The following FGD4 variants were observed in gnomAD, a reference collection of about 807,000 sequenced individuals.
The protein encoded by FGD4 is FYVE, RhoGEF and PH domain-containing protein 4.
Under a neutral mutation model 102.0 loss-of-function variants are expected in FGD4, and 42 were observed. The ratio of observed to expected loss-of-function variants is 0.41; its 90% CI spans 0.32 to 0.53. The LOEUF (loss-of-function observed/expected upper bound fraction) is 0.53. FGD4 is among the 20% of genes least tolerant of loss of function. FGD4 has a pLI of 0.21. For synonymous variants in FGD4, 380 were observed against 375.7 expected (o/e 1.01, Z -0.13); for missense variants, 902 against 1,078.2 (o/e 0.84, Z 2.29).
chr12:32,426,415 G>A (rs755305204), intron 1 of FGD4, among the ~76,000 whole-genome samples: 8 of 152,094 alleles, frequency 5.3e-5, no homozygotes, highest in East Asian at 1.9e-4. Flanking sequence ...GGATGAAGCC[G>A]ATTTGATTGT....
At chr12:32,406,805 TTTTG>T (rs1390267259) in intron 1 of FGD4, among the ~76,000 whole-genome samples, 1 of 151,910 alleles carries the variant, frequency 6.6e-6, no homozygotes, top group Non-Finnish European at 1.5e-5. Flanking sequence ...AGCTGTTTTT[TTTTG>T]TTTGTTTGCT....
chr12:32,596,916 CAA>C (rs200274300), intron 4 of FGD4, among the ~76,000 whole-genome samples: 3,150 of 143,536 alleles, frequency 0.022, 40 homozygotes, highest in Admixed American at 0.035. Context: ...GCCTGGGCAA[CAA>C]GAGCAAAACT....
intron 1 of FGD4, among the ~76,000 whole-genome samples, chr12:32,526,296 G>A (rs953618257): frequency 6.6e-6 from 1 of 152,170 alleles, no homozygotes; most frequent in African/African-American, 2.4e-5. Context: ...TCTAGCTCAA[G>A]GATTGTAAAT....
At chr12:32,568,024 T>C (rs1413779888) in intron 2 of FGD4, among the ~76,000 whole-genome samples, 1 of 152,234 alleles carries the variant, frequency 6.6e-6, no homozygotes, top group Non-Finnish European at 1.5e-5. Context: ...GTATTGCACA[T>C]CTTTATTAGT....
In FGD4 at chr12:32,422,782, T is replaced by C. The variant is rs147098567; in HGVS notation, c.166+22823T>C. Among the ~76,000 whole-genome samples, 51 of 152,334 alleles carry C rather than the reference T, an allele frequency of 3.3e-4. No homozygotes were observed. In the East Asian group the frequency reaches 9.8e-3, roughly 29 times the overall value. ...ATATGAATATCATTTTCATATATCT[T>C]GCTACTTCCTTAGCCTTCTTAATTA... On this transcript the variant is annotated intron_variant, in intron 1 of 16. Coordinates refer to ENST00000534526, the MANE Select transcript of FGD4 (RefSeq NM_001370298.3).
chr12:32,539,753 T>G, intron 1 of FGD4, among the ~76,000 whole-genome samples: 1 of 152,188 alleles, frequency 6.6e-6, no homozygotes, highest in Admixed American at 6.5e-5. Flanking sequence ...TTAAAATCTA[T>G]GAACTGCTGT....
At chr12:32,521,265 A>G (rs1940516498) in intron 1 of FGD4, among the ~76,000 whole-genome samples, 1 of 150,270 alleles carries the variant, frequency 6.7e-6, no homozygotes, top group Non-Finnish European at 1.5e-5. Flanking sequence ...AATTCCAGCT[A>G]CTCGGGAGGC....
chr12:32,599,675 G>A (rs1948236003), intron 5 of FGD4, among the ~76,000 whole-genome samples: 1 of 146,144 alleles, frequency 6.8e-6, no homozygotes, highest in Non-Finnish European at 1.5e-5. Context: ...AGCCTCCCGA[G>A]TAGCTGGAAT....
intron 2 of FGD4, among the ~76,000 whole-genome samples, chr12:32,571,786 A>T (rs1945688662): frequency 6.6e-6 from 1 of 152,162 alleles, no homozygotes; most frequent in African/African-American, 2.4e-5. Context: ...GAAGGCCTGA[A>T]AAAACCTTAC....
Position 32,640,538 on chromosome 12 carries a change from C to A in FGD4, c.*5C>A. 1.2e-6 allele frequency: 2 copies of A among 1,613,510 alleles called. No homozygotes were observed. Among genetic ancestry groups the A allele is most frequent in the African/African-American group, 1.3e-5 (1 of 75,026 alleles). ...AAGAAAAAATCAGAATGCTGAACTCCTCCAGGACCAGCCATGGTGTGGAGG... is the reference window on the plus strand; with the variant it reads ...AAGAAAAAATCAGAATGCTGAACTCATCCAGGACCAGCCATGGTGTGGAGG... On this transcript the variant is annotated 3_prime_UTR_variant, in exon 17 of 17. Transcript: ENST00000534526.
At chr12:32,423,847 G>A (rs538129363) in intron 1 of FGD4, among the ~76,000 whole-genome samples, 223 of 150,072 alleles carry the variant, frequency 1.5e-3, no homozygotes, top group Non-Finnish European at 2.6e-3. Flanking sequence ...TACTGTCATG[G>A]CACTGGTGGG....
chr12:32,617,726 G>A (rs1949532163), intron 10 of FGD4, among the ~76,000 whole-genome samples: 1 of 152,208 alleles, frequency 6.6e-6, no homozygotes, highest in South Asian at 2.1e-4. Context: ...AGTATCTGGG[G>A]AAACCCAAAG....
chr12:32,565,831 T>C (rs1341453967), intron 2 of FGD4, among the ~76,000 whole-genome samples: 31 of 152,224 alleles, frequency 2.0e-4, no homozygotes, highest in Admixed American at 2.0e-3. Context: ...GTATATATAC[T>C]TTTCTAACTA....
intron 10 of FGD4, among the ~76,000 whole-genome samples, chr12:32,618,992 T>G (rs569442946): frequency 6.6e-6 from 1 of 152,212 alleles, no homozygotes; most frequent in Non-Finnish European, 1.5e-5. Flanking sequence ...TCTAACACCT[T>G]GTTTTAGACT....
At chr12:32,530,939 TGG>T (rs1941728782) in intron 1 of FGD4, among the ~76,000 whole-genome samples, 1 of 140,898 alleles carries the variant, frequency 7.1e-6, no homozygotes, top group South Asian at 2.2e-4. Flanking sequence ...TTCCTAGCTT[TGG>T]TTTTTTTTTT....
intron 2 of FGD4, among the ~76,000 whole-genome samples, chr12:32,570,589 G>T (rs1186889645): frequency 6.6e-6 from 1 of 151,980 alleles, no homozygotes; most frequent in Non-Finnish European, 1.5e-5. Flanking sequence ...TTACAGGCAT[G>T]TGCCACCACG....
At chr12:32,607,622 G>A (rs1948865198) in intron 7 of FGD4, among the ~76,000 whole-genome samples, 1 of 152,124 alleles carries the variant, frequency 6.6e-6, no homozygotes, top group African/African-American at 2.4e-5. Context: ...CAATTCTCCT[G>A]CCTCAGGCTC....
chr12:32,640,115 G>A lies in FGD4; in HGVS notation c.2455-161G>A, dbSNP rs1466269148. Among the ~76,000 whole-genome samples, 11 of 152,154 alleles carry A rather than the reference G, an allele frequency of 7.2e-5. 1 individual carries two copies. The highest frequency in any genetic ancestry group is 7.2e-4 in the Admixed American group (11 of 15,266). ...AACATTATCAGTGGCCTCACGTACA[G>A]GCTCTGTACTAAGCAATGGGATTGC... On this transcript the variant is annotated intron_variant, in intron 16 of 16. Transcript: ENST00000534526.
chr12:32,399,927 C>T lies in FGD4; in HGVS notation c.134C>T (p.Ala45Val). 1 of 1,513,086 alleles carries T rather than the reference C, an allele frequency of 6.6e-7. No individual in the cohort carries two copies. Among genetic ancestry groups the T allele is most frequent in the Non-Finnish European group, 8.8e-7 (1 of 1,136,972 alleles). The allele number at this position is 1,513,086 out of a possible 1,614,324, so 93.7% of individuals were successfully genotyped here. A position where few individuals can be genotyped will look rare whatever the true frequency, so the allele number is the denominator to read the frequency against. ...ASHLGRVGTAAFKGQVPSGAT... is the reference protein window; with the variant it reads ...ASHLGRVGTAVFKGQVPSGAT... ...CACCTGGGACGTGTAGGGACCGCTG[C>T]CTTCAAGGGCCAGGTGCCCTCAGGA... The change falls in exon 1 of 17, where the codon GCC becomes GTC. Residue 45 changes from alanine (A) to valine (V), a missense_variant. Coordinates refer to ENST00000534526, the MANE Select transcript of FGD4 (RefSeq NM_001370298.3).
Sources: allele counts gnomAD v4.1 joint callset (sites outside exome capture counted in the v4.1 genomes callset), GRCh38; gene constraint gnomAD v4.1.1; transcripts MANE v1.5; gene names NCBI Gene and HGNC (gene_info 2026-07-23, HGNC 2026-07-21).